Variants in HLF observed in about 807,000 individuals in gnomAD.
HLF encodes the protein HLF transcription factor, PAR bZIP family member, also known as hepatic leukemia factor.
Under a neutral mutation model 22.6 loss-of-function variants are expected in HLF, and 3 were observed. The ratio of observed to expected loss-of-function variants is 0.13; its 90% CI spans 0.06 to 0.34. The LOEUF (loss-of-function observed/expected upper bound fraction) is 0.34. Ranked by LOEUF, HLF falls within the 10% of genes least tolerant of loss-of-function variation. The probability of loss-of-function intolerance (pLI) is 1.00; values close to 1 mark genes in which losing one functional copy is unlikely to be tolerated. For missense variants in HLF, 299 were observed against 389.2 expected, an observed-to-expected ratio of 0.77 and a Z score of 1.95; for synonymous variants, 151 against 151.8, an observed-to-expected ratio of 0.99 and a Z score of 0.04.
rs1451186641 is a variant in HLF at position 55,272,400 on chromosome 17, T to C, written c.451+4314T>C. The C allele has an allele frequency of 3.3e-5, 5 of 152,352 alleles. No individual in the cohort carries two copies. The East Asian group carries it at 9.6e-4, about 29-fold the overall frequency. The allele number at this position is 152,352 out of a possible 1,614,324, so 9.4% of individuals were successfully genotyped here. ...AAATTATTTCCTCTGGTGGTTTTTC[T>C]TTGAATAGCTGGGGGGTGTCCTACC... On this transcript the variant is annotated intron_variant, in intron 2 of 3. Coordinates refer to ENST00000226067, the MANE Select transcript of HLF (RefSeq NM_002126.5).
chr17:55,283,866 G>A (rs994882108), intron 2 of HLF: 2 of 152,184 alleles, frequency 1.3e-5, no homozygotes, highest in Admixed American at 6.5e-5. Flanking sequence ...CCATACTTGC[G>A]ATTCTTGATA....
intron 2 of HLF, among the ~76,000 whole-genome samples, chr17:55,308,823 T>C (rs1366809515): frequency 6.6e-6 from 1 of 152,196 alleles, no homozygotes; most frequent in Non-Finnish European, 1.5e-5. Context: ...TGTTCACTCA[T>C]CTGTAATTGC....
intron 3 of HLF, among the ~76,000 whole-genome samples, chr17:55,315,666 A>G (rs770111600): frequency 1.1e-4 from 16 of 152,224 alleles, no homozygotes; most frequent in Non-Finnish European, 2.2e-4. Flanking sequence ...AACAAGGAGA[A>G]GCAGTAAAAT....
chr17:55,318,098 C>CG (rs926696529), intron 3 of HLF, among the ~76,000 whole-genome samples: 1 of 150,902 alleles, frequency 6.6e-6, no homozygotes, highest in African/African-American at 2.4e-5. Flanking sequence ...TTGGGTGGGG[C>CG]GGGGCTAAGT....
intron 2 of HLF, among the ~76,000 whole-genome samples, chr17:55,291,427 G>T (rs1170291999): frequency 1.3e-5 from 2 of 152,116 alleles, no homozygotes; most frequent in Non-Finnish European, 2.9e-5. Context: ...CTCTTCCTGT[G>T]CTCTGTAAAT....
At chr17:55,316,744 G>A (rs1357332052) in intron 3 of HLF, among the ~76,000 whole-genome samples, 1 of 152,068 alleles carries the variant, frequency 6.6e-6, no homozygotes, top group Non-Finnish European at 1.5e-5. Flanking sequence ...CTATAACGGG[G>A]GCCCATGGGT....
chr17:55,297,318 T>G (rs1171316819), intron 2 of HLF, among the ~76,000 whole-genome samples: 1 of 152,214 alleles, frequency 6.6e-6, no homozygotes, highest in Admixed American at 6.5e-5. Flanking sequence ...TAATTCCTTT[T>G]GGTGTGGCCT....
intron 2 of HLF, among the ~76,000 whole-genome samples, chr17:55,292,566 G>A (rs1018046932): frequency 2.0e-5 from 3 of 152,092 alleles, no homozygotes; most frequent in Non-Finnish European, 4.4e-5. Context: ...AAAAAATGAT[G>A]TGACTTGCTT....
chr17:55,290,962 A>G (rs1208949780), intron 2 of HLF, among the ~76,000 whole-genome samples: 1 of 152,198 alleles, frequency 6.6e-6, no homozygotes, highest in Non-Finnish European at 1.5e-5. Flanking sequence ...ACCATCCACA[A>G]CATTCCCTTA....
intron 2 of HLF, chr17:55,272,120 A>G (rs1598387505): frequency 1.3e-5 from 2 of 152,226 alleles, no homozygotes; most frequent in East Asian, 3.9e-4. Flanking sequence ...AGTGTCCTGA[A>G]TGTTCCTAGG....
intron 2 of HLF, among the ~76,000 whole-genome samples, chr17:55,279,250 G>A (rs2080932210): frequency 6.6e-6 from 1 of 152,124 alleles, no homozygotes; most frequent in Admixed American, 6.5e-5. Context: ...TTGGCTTCCT[G>A]GAAGACTGAT....
chr17:55,303,122 GC>G (rs1037211016), intron 2 of HLF, among the ~76,000 whole-genome samples: 1 of 152,222 alleles, frequency 6.6e-6, no homozygotes, highest in African/African-American at 2.4e-5. Flanking sequence ...TCACCGCTCT[GC>G]ACACCATAGC....
chr17:55,299,730 A>G (rs1455725237), intron 2 of HLF, among the ~76,000 whole-genome samples: 1 of 152,040 alleles, frequency 6.6e-6, no homozygotes, highest in Non-Finnish European at 1.5e-5. Context: ...ACGTGCCACC[A>G]TGCCTCGCTA....
intron 2 of HLF, among the ~76,000 whole-genome samples, chr17:55,285,237 T>C (rs1799513648): frequency 6.6e-6 from 1 of 152,218 alleles, no homozygotes; most frequent in Admixed American, 6.5e-5. Flanking sequence ...TCCTGCTATA[T>C]TTGGAATGGT....
chr17:55,283,987 T>G (rs920939856), intron 2 of HLF: 5 of 152,264 alleles, frequency 3.3e-5, no homozygotes, highest in African/African-American at 1.2e-4. Context: ...AAGGAACAGA[T>G]AATCTGAAGT....
intron 2 of HLF, among the ~76,000 whole-genome samples, chr17:55,301,415 G>C (rs2081156395): frequency 1.3e-5 from 2 of 152,212 alleles, no homozygotes; most frequent in African/African-American, 4.8e-5. Context: ...GCCTTTGCCT[G>C]GAAAGATTTG....
At chr17:55,307,612 C>T (rs1904641441) in intron 2 of HLF, among the ~76,000 whole-genome samples, 1 of 151,884 alleles carries the variant, frequency 6.6e-6, no homozygotes, top group Admixed American at 6.6e-5. Flanking sequence ...TAAAATTTGC[C>T]CCTGTTCCTC....
intron 2 of HLF, among the ~76,000 whole-genome samples, chr17:55,283,217 A>C (rs1481469319): frequency 6.6e-6 from 1 of 152,114 alleles, no homozygotes; most frequent in Non-Finnish European, 1.5e-5. Context: ...CAGTGGCCAG[A>C]GGGGGCCTTT....
intron 2 of HLF, among the ~76,000 whole-genome samples, chr17:55,296,109 T>C (rs1300956551): frequency 6.6e-6 from 1 of 152,122 alleles, no homozygotes; most frequent in African/African-American, 2.4e-5. Context: ...AGTGATTGCC[T>C]CCGGAGCACC....
Sources: gnomAD v4.1 joint callset for allele counts (sites outside exome capture counted in the v4.1 genomes callset) on GRCh38, gnomAD v4.1.1 for gene constraint, MANE v1.5 for transcripts, NCBI Gene and HGNC (gene_info 2026-07-23, HGNC 2026-07-21) for gene names.